TTLL5: variants seen among roughly 807,000 people sequenced by gnomAD.
TTLL5 encodes the protein tubulin tyrosine ligase like 5.
TTLL5 carries 132 observed loss-of-function variants against 168.4 expected under a neutral mutation model. The ratio of observed to expected loss-of-function variants is 0.78; its 90% CI spans 0.68 to 0.91. TTLL5 has a LOEUF of 0.91. Ranked by LOEUF, TTLL5 falls within the 40% of genes least tolerant of loss-of-function variation. The pLI is 0.00. For missense variants in TTLL5, 1,545 were observed against 1,581.5 expected (o/e 0.98, Z 0.39); for synonymous variants, 546 against 558.6 (o/e 0.98, Z 0.32).
At chr14:75,759,987 C>T (rs1486430749) in intron 18 of TTLL5, among the ~76,000 whole-genome samples, 2 of 151,976 alleles carry the variant, frequency 1.3e-5, no homozygotes, top group African/African-American at 2.4e-5. Flanking sequence ...CTTTTATTCA[C>T]GTTGTACATT....
chr14:75,675,707 A>G (rs1302417268), intron 3 of TTLL5, among the ~76,000 whole-genome samples: 1 of 152,188 alleles, frequency 6.6e-6, no homozygotes, highest in Non-Finnish European at 1.5e-5. Flanking sequence ...GCAATCTTCC[A>G]TTTGACTCTT....
chr14:75,911,323 G>A (rs1053924041), intron 31 of TTLL5, among the ~76,000 whole-genome samples: 21 of 152,130 alleles, frequency 1.4e-4, no homozygotes, highest in Admixed American at 3.9e-4. Flanking sequence ...ATGAGCCACC[G>A]CGCCCAGTCT....
intron 26 of TTLL5, among the ~76,000 whole-genome samples, chr14:75,791,723 A>G (rs1371430669): frequency 3.9e-5 from 6 of 152,156 alleles, no homozygotes; most frequent in African/African-American, 1.2e-4. Flanking sequence ...TGTATGTACT[A>G]AATAATATAG....
intron 18 of TTLL5, among the ~76,000 whole-genome samples, chr14:75,759,016 A>G (rs997821554): frequency 6.6e-6 from 1 of 152,204 alleles, no homozygotes; most frequent in Non-Finnish European, 1.5e-5. Context: ...AAGGAAAGGC[A>G]GAAATCAAAT....
At chr14:75,801,364 C>T (rs1049304536) in intron 27 of TTLL5, among the ~76,000 whole-genome samples, 3 of 152,156 alleles carry the variant, frequency 2.0e-5, no homozygotes, top group African/African-American at 7.2e-5. Flanking sequence ...AGGCCAATCT[C>T]CTGGGGTGCA....
At chr14:75,868,734 T>C (rs2030747280) in intron 29 of TTLL5, among the ~76,000 whole-genome samples, 1 of 152,194 alleles carries the variant, frequency 6.6e-6, no homozygotes, top group Non-Finnish European at 1.5e-5. Flanking sequence ...AAAAGTTCAT[T>C]GCACGTGTCT....
intron 7 of TTLL5, among the ~76,000 whole-genome samples, chr14:75,700,189 T>G (rs1886165196): frequency 6.6e-6 from 1 of 152,166 alleles, no homozygotes; most frequent in Non-Finnish European, 1.5e-5. Context: ...GAGCCGGGCA[T>G]GAGAGGGCCC....
intron 29 of TTLL5, among the ~76,000 whole-genome samples, chr14:75,870,562 G>C: frequency 6.6e-6 from 1 of 152,160 alleles, no homozygotes; most frequent in East Asian, 1.9e-4. Context: ...TGTTCTAGAG[G>C]TTTGGATAGT....
rs1356816992 is a variant in TTLL5, at chr14:75,732,361, A to G, written c.1066A>G (p.Ile356Val). 1.9e-6 allele frequency: 3 copies of G among 1,613,892 alleles called. No homozygotes were observed. The highest frequency in any genetic ancestry group is 4.5e-5 in the East Asian group (2 of 44,846). ...CFELYGFDVL[I>V]DSTLKPWLLE... ...AGAACTCTATGGCTTTGACGTGCTC[A>G]TAGATTCTACTCTGAAGCCATGGTT... The change falls in exon 13 of 32, where the codon ATA becomes GTA. Residue 356 changes from isoleucine to valine, a missense_variant. By Grantham distance (29) the Ile-to-Val change is conservative. Transcript: ENST00000298832.
chr14:75,710,596 G>A (rs1173515976), intron 9 of TTLL5: 1 of 152,156 alleles, frequency 6.6e-6, no homozygotes, highest in South Asian at 2.1e-4. Context: ...AAAGCATAAC[G>A]CATGGCAATA....
intron 30 of TTLL5, among the ~76,000 whole-genome samples, chr14:75,897,193 A>T (rs2032705722): frequency 6.7e-6 from 1 of 148,784 alleles, no homozygotes; most frequent in African/African-American, 2.5e-5. Context: ...AAAATGGCAG[A>T]GGCAAGATGA....
intron 21 of TTLL5, among the ~76,000 whole-genome samples, chr14:75,773,921 TATATATAG>T (rs1191516568): frequency 0.012 from 351 of 28,252 alleles, 9 homozygotes; most frequent in African/African-American, 0.041. Flanking sequence ...TATATATATA[TATATATAG>T]AGAGAGAGAG....
At chr14:75,934,923 G>A (rs1028668683) in intron 31 of TTLL5, among the ~76,000 whole-genome samples, 2 of 152,202 alleles carry the variant, frequency 1.3e-5, no homozygotes, top group Non-Finnish European at 2.9e-5. Flanking sequence ...TGAAGAGTAA[G>A]AAAACAGTTA....
intron 29 of TTLL5, among the ~76,000 whole-genome samples, chr14:75,870,575 G>A (rs537715598): frequency 6.6e-6 from 1 of 152,268 alleles, no homozygotes; most frequent in African/African-American, 2.4e-5. Context: ...TGGATAGTAG[G>A]AGCACTTGTA....
At chr14:75,853,480 T>G (rs1332767725) in intron 28 of TTLL5, among the ~76,000 whole-genome samples, 1 of 152,218 alleles carries the variant, frequency 6.6e-6, no homozygotes, top group Non-Finnish European at 1.5e-5. Context: ...GTTTTTCTTC[T>G]TGGTAGTCCG....
intron 31 of TTLL5, among the ~76,000 whole-genome samples, chr14:75,915,283 T>C (rs2033575255): frequency 6.6e-6 from 1 of 152,200 alleles, no homozygotes; most frequent in Non-Finnish European, 1.5e-5. Flanking sequence ...GTGTTGAGTA[T>C]TGTGTAAAAT....
chr14:75,663,278 ACT>A, intron 2 of TTLL5, 55 bp downstream of exon 2: 1 of 1,462,028 alleles, frequency 6.8e-7, no homozygotes, highest in South Asian at 1.2e-5. Flanking sequence ...TCACTTATAT[ACT>A]CTTATATACT....
intron 31 of TTLL5, among the ~76,000 whole-genome samples, chr14:75,930,402 C>T (rs2034236975): frequency 6.6e-6 from 1 of 152,136 alleles, no homozygotes; most frequent in Non-Finnish European, 1.5e-5. Context: ...GCTAACGTGA[C>T]ACTCAAAGGA....
chr14:75,761,245 G>A (rs1178775438), intron 18 of TTLL5, among the ~76,000 whole-genome samples: 3 of 152,240 alleles, frequency 2.0e-5, no homozygotes, highest in South Asian at 2.1e-4. Flanking sequence ...TGGTAAGGAT[G>A]TGGAACTAAC....
Sources: gnomAD v4.1 joint callset for allele counts (sites outside exome capture counted in the v4.1 genomes callset) on GRCh38, gnomAD v4.1.1 for gene constraint, MANE v1.5 for transcripts, NCBI Gene and HGNC (gene_info 2026-07-23, HGNC 2026-07-21) for gene names.